The following USP54 variants were observed in gnomAD, a reference collection of about 807,000 sequenced individuals.
The protein encoded by USP54 is ubiquitin carboxyl-terminal hydrolase 54.
USP54 carries 87 observed loss-of-function variants against 170.5 expected under a neutral mutation model. The ratio of observed to expected loss-of-function variants is 0.51; its 90% CI spans 0.43 to 0.61. The LOEUF is 0.61. USP54 is among the 20% of genes least tolerant of loss of function. USP54 has a pLI of 0.00. For synonymous variants in USP54, 655 were observed against 742.8 expected (o/e 0.88, Z 1.92); for missense variants, 1,786 against 2,047.8 (o/e 0.87, Z 2.47).
chr10:73,560,930 C>T (rs1387624742), intron 4 of USP54, among the ~76,000 whole-genome samples: 1 of 150,012 alleles, frequency 6.7e-6, no homozygotes, highest in East Asian at 2.0e-4. Flanking sequence ...TGGTGAAACC[C>T]TGTCTCTACT....
chr10:73,550,362 T>C (rs111457825), intron 4 of USP54, among the ~76,000 whole-genome samples: 1 of 152,242 alleles, frequency 6.6e-6, no homozygotes, highest in African/African-American at 2.4e-5. Context: ...ACTCATTTCC[T>C]GTGGATTTTT....
Position 73,523,471 on chromosome 10 carries a change from C to T in USP54, c.2362+112G>A, listed in dbSNP as rs7909213. ...TCTCACTGGAATGGGTGAATTAAGACTTAAAAAATTATTTTGCTAAAGAGA... is the reference window on the plus strand; with the variant it reads ...TCTCACTGGAATGGGTGAATTAAGATTTAAAAAATTATTTTGCTAAAGAGA... On this transcript the variant is annotated intron_variant, in intron 17 of 23. Transcript: ENST00000687698. 17,371 of 1,331,644 alleles carry T rather than the reference C, an allele frequency of 0.013. 1,025 individuals are homozygous for T. In the African/African-American group the frequency reaches 0.17, roughly 13 times the overall value. The allele number at this position is 1,331,644 out of a possible 1,614,324, so 82.5% of individuals were successfully genotyped here.
At chr10:73,562,131 A>G (rs2073215209) in intron 4 of USP54, among the ~76,000 whole-genome samples, 1 of 152,108 alleles carries the variant, frequency 6.6e-6, no homozygotes, top group Non-Finnish European at 1.5e-5. Flanking sequence ...AGAGAAAAAA[A>G]TTACAATCTC....
rs1157929892 is a variant in USP54, at chr10:73,539,453, A to G, written c.966T>C (p.His322=). 14 of 1,611,224 alleles carry G rather than the reference A, an allele frequency of 8.7e-6. No homozygotes were observed. The highest frequency in any genetic ancestry group is 1.2e-5 in the Non-Finnish European group (14 of 1,178,206). The part of the protein sequence containing the change: ...IRKWMYFDDA[H]VKEIGPKWKD... The stretch of plus-strand genomic sequence containing the variant: ...ACTTGACTACTCCTACCTCCTTGAC[A>G]TGAGCATCATCAAAATACATCCATT... Residue 322 remains histidine (H), a synonymous_variant, in exon 10 of 24, where the codon CAT becomes CAC. Transcript: ENST00000687698.
chr10:73,557,631 G>A (rs550384864), intron 4 of USP54, among the ~76,000 whole-genome samples: 16 of 151,720 alleles, frequency 1.1e-4, no homozygotes, highest in South Asian at 8.3e-4. Flanking sequence ...GACTACAGGC[G>A]CATGCCACCA....
At chr10:73,545,265 G>A (rs1449014650) in intron 5 of USP54, among the ~76,000 whole-genome samples, 1 of 152,144 alleles carries the variant, frequency 6.6e-6, no homozygotes, top group Admixed American at 6.5e-5. Flanking sequence ...GAAGCTCTGG[G>A]GGTACAATCT....
intron 4 of USP54, among the ~76,000 whole-genome samples, chr10:73,566,424 G>T (rs2073825750): frequency 6.6e-6 from 1 of 151,896 alleles, no homozygotes; most frequent in South Asian, 2.1e-4. Flanking sequence ...TATATAGGTA[G>T]TAAAACACCA....
intron 12 of USP54, 129 bp from the exon 13 acceptor site, chr10:73,530,964 T>A: frequency 7.7e-7 from 1 of 1,305,382 alleles, no homozygotes; most frequent in Non-Finnish European, 1.1e-6. Flanking sequence ...CTGTAGGGCA[T>A]AGGCTATCTG....
chr10:73,606,937 A>G (rs1216915230), intron 1 of USP54, among the ~76,000 whole-genome samples: 1 of 151,866 alleles, frequency 6.6e-6, no homozygotes, highest in East Asian at 1.9e-4. Context: ...ACTCCCAACT[A>G]CCTAACTGAA....
intron 16 of USP54, among the ~76,000 whole-genome samples, chr10:73,525,692 G>C (rs143323839): frequency 6.6e-6 from 1 of 152,196 alleles, no homozygotes; most frequent in Non-Finnish European, 1.5e-5. Context: ...TGTCTTCCAC[G>C]TGTCTCTAAC....
intron 20 of USP54, 124 bp downstream of exon 20, chr10:73,516,251 A>C (rs1234217907): frequency 3.6e-6 from 4 of 1,123,642 alleles, no homozygotes; most frequent in Non-Finnish European, 5.0e-6. Context: ...TAAAGTCAAA[A>C]GTTCTATTAC....
chr10:73,542,406 TA>T (rs1175943495), intron 7 of USP54, among the ~76,000 whole-genome samples: 1 of 151,110 alleles, frequency 6.6e-6, no homozygotes, highest in Non-Finnish European at 1.5e-5. Context: ...GGCCAAGATA[TA>T]AAACTATTTG....
At chr10:73,615,795 C>T (rs541486693) in intron 1 of USP54, among the ~76,000 whole-genome samples, 28 of 148,752 alleles carry the variant, frequency 1.9e-4, no homozygotes, top group Admixed American at 1.7e-3. Flanking sequence ...ATGGCTCACA[C>T]TGTGGTCCCA....
Position 73,499,030 on chromosome 10 carries a change from T to C in USP54, c.4654A>G (p.Ile1552Val), listed in dbSNP as rs773952597. ...WAPWSETNQH[I>V]GTRFLTTPGC... ...GGAGTAGTCAGGAATCTGGTCCCAA[T>C]ATGCTGGTTGGTCTCTGACCAGGGT... The change falls in exon 24 of 24, where the codon ATT (isoleucine) becomes GTT (valine). Residue 1552 changes from isoleucine to valine, a missense_variant. By Grantham distance (29) the Ile-to-Val change is conservative. Around this residue, in one of 3 missense-constraint regions of USP54, gnomAD observed 1,418 missense variants for 1,569.0 expected, o/e 0.90. Transcript: ENST00000687698. 2.5e-6 allele frequency: 4 copies of C among 1,614,140 alleles called. No homozygotes were observed. The South Asian group carries it at 4.4e-5, about 18-fold the overall frequency.
chr10:73,583,593 A>T (rs902791336), intron 1 of USP54, among the ~76,000 whole-genome samples: 6 of 151,914 alleles, frequency 3.9e-5, no homozygotes, highest in South Asian at 2.1e-4. Context: ...GCCAAAAAAA[A>T]TTTTTTTTAA....
chr10:73,527,837 C>CAA lies in USP54; in HGVS notation c.2061-1059_2061-1058dup, dbSNP rs1015620084. On this transcript the variant is annotated intron_variant, in intron 15 of 23. Transcript: ENST00000687698. The stretch of plus-strand genomic sequence containing the variant: ...CAAAATGATGAAACCCCATCGATAC[C>CAA]AAAAAAAAAAAAAAAAAAAAAGCAA... Among the ~76,000 whole-genome samples the CAA allele has an allele frequency of 4.8e-3, 209 of 43,712 alleles. 1 individual carries two copies. The highest frequency in any genetic ancestry group is 0.013 in the African/African-American group (146 of 11,536). 28.7% of individuals were successfully genotyped at this position (43,712 alleles called of 152,430 possible). A position where few individuals can be genotyped will look rare whatever the true frequency, so the allele number is the denominator to read the frequency against.
At chr10:73,581,926 G>GA (rs1239030595) in intron 1 of USP54, among the ~76,000 whole-genome samples, 2 of 151,972 alleles carry the variant, frequency 1.3e-5, no homozygotes, top group African/African-American at 2.4e-5. Context: ...GTGACCTTTA[G>GA]AAAAAAACAC....
intron 4 of USP54, among the ~76,000 whole-genome samples, chr10:73,547,287 G>A (rs940535122): frequency 2.6e-5 from 4 of 152,126 alleles, no homozygotes; most frequent in Admixed American, 2.6e-4. Flanking sequence ...CTGTAGTCCT[G>A]CTACTCGGGA....
chr10:73,557,517 C>G (rs1190245439), intron 4 of USP54, among the ~76,000 whole-genome samples: 1 of 149,298 alleles, frequency 6.7e-6, no homozygotes, highest in Non-Finnish European at 1.5e-5. Context: ...GACGGAGTCT[C>G]ACTCTGTCGC....
Sources: gnomAD v4.1 joint callset for allele counts (sites outside exome capture counted in the v4.1 genomes callset) on GRCh38, gnomAD v4.1.1 for gene constraint, gnomAD v4.1.1 regional missense constraint, MANE v1.5 for transcripts, NCBI Gene and HGNC (gene_info 2026-07-23, HGNC 2026-07-21) for gene names.